The following MCCC1 variants were observed in gnomAD, a reference collection of about 807,000 sequenced individuals.
The protein encoded by MCCC1 is methylcrotonyl-CoA carboxylase subunit 1.
MCCC1 carries 64 observed loss-of-function variants against 83.8 expected under a neutral mutation model. That is an observed-to-expected ratio of 0.76 (90% CI 0.62 to 0.94). The LOEUF (loss-of-function observed/expected upper bound fraction) is 0.94, where lower values mean the gene tolerates loss of function less well. MCCC1 is among the 40% of genes least tolerant of loss of function. The pLI, the probability that MCCC1 is intolerant of heterozygous loss-of-function variation, is 0.00. For missense variants in MCCC1, 807 were observed against 904.7 expected (o/e 0.89, Z 1.39); for synonymous variants, 322 against 315.4 (o/e 1.02, Z -0.22).
At position 183,073,561 on chromosome 3, in the gene MCCC1, C is replaced by A. The variant is rs548077515; in HGVS notation, c.370-1074G>T. ...AACTGGACTGATACCAATTTGACCA[C>A]GCTTCTGTTCATGTCTTCCAATCAC... On this transcript the variant is annotated intron_variant, in intron 4 of 18. Transcript: ENST00000265594. Among the ~76,000 whole-genome samples the A allele has an allele frequency of 7.2e-5, 11 of 152,360 alleles. No homozygotes were observed. The East Asian group carries it at 2.1e-3, about 29-fold the overall frequency.
intron 1 of MCCC1, 186 bp downstream of exon 1, chr3:183,099,166 G>A (rs1466614442): frequency 1.5e-5 from 10 of 647,550 alleles, no homozygotes; most frequent in African/African-American, 3.6e-5. Context: ...AGAAAGGGAA[G>A]GGCTGGTGGG....
intron 9 of MCCC1, among the ~76,000 whole-genome samples, chr3:183,048,441 C>T (rs1469676150): frequency 2.6e-5 from 4 of 152,112 alleles, no homozygotes; most frequent in Non-Finnish European, 5.9e-5. Context: ...AAAGAATATG[C>T]TAACACCAAA....
chr3:183,033,841 C>A, intron 14 of MCCC1, 150 bp downstream of exon 14: 1 of 628,178 alleles, frequency 1.6e-6, no homozygotes, highest in African/African-American at 1.8e-5. Flanking sequence ...CCAATCAATT[C>A]TATTATATTG....
intron 9 of MCCC1, 73 bp from the exon 10 acceptor site, chr3:183,045,613 T>A: frequency 6.6e-7 from 1 of 1,516,184 alleles, no homozygotes; most frequent in Non-Finnish European, 9.1e-7. Flanking sequence ...CCATGATGCA[T>A]CACATCAAGT....
upstream of MCCC1, among the ~76,000 whole-genome samples, chr3:183,103,291 G>T (rs1194119219): frequency 6.6e-6 from 1 of 152,072 alleles, no homozygotes. Flanking sequence ...GACCCGAGCG[G>T]GTTGGCACTA....
Position 183,025,864 on chromosome 3 carries a change from C to T in MCCC1, c.1682-60G>A, listed in dbSNP as rs887344181. On this transcript the variant is annotated intron_variant, in intron 14 of 18. Transcript: ENST00000265594. ...AGAAGACATTCATTTATTTAATAAC[C>T]GAGATATAAAGAATCTCACTCTCAA... 159 of 1,442,270 alleles carry T rather than the reference C, an allele frequency of 1.1e-4. 1 individual carries two copies. The highest frequency in any genetic ancestry group is 2.6e-4 in the South Asian group (23 of 86,874). The allele number at this position is 1,442,270 out of a possible 1,614,324, so 89.3% of individuals were successfully genotyped here. A position where few individuals can be genotyped will look rare whatever the true frequency, so the allele number is the denominator to read the frequency against.
chr3:183,100,375 T>C (rs1484076936), upstream of MCCC1, among the ~76,000 whole-genome samples: 1 of 151,930 alleles, frequency 6.6e-6, no homozygotes, highest in Admixed American at 6.6e-5. Context: ...ACAGAAAAAA[T>C]AGAGAAGTTT....
At chr3:183,063,792 G>T (rs1224284769) in intron 7 of MCCC1, among the ~76,000 whole-genome samples, 1 of 152,112 alleles carries the variant, frequency 6.6e-6, no homozygotes, top group East Asian at 1.9e-4. Context: ...GTGGGGTCTG[G>T]TAACGTCTTT....
chr3:183,034,515 T>C, intron 13 of MCCC1, among the ~76,000 whole-genome samples: 1 of 152,004 alleles, frequency 6.6e-6, no homozygotes. Context: ...GTGCTTTTTT[T>C]GTTCTTCTTG....
At chr3:183,094,341 G>A (rs922289910) in intron 2 of MCCC1, among the ~76,000 whole-genome samples, 3 of 152,018 alleles carry the variant, frequency 2.0e-5, no homozygotes, top group Admixed American at 2.0e-4. Flanking sequence ...GAGCCACTGC[G>A]CCCGGCTGCC....
At chr3:183,099,748 G>T (rs1418370970), upstream of MCCC1, among the ~76,000 whole-genome samples, 1 of 152,172 alleles carries the variant, frequency 6.6e-6, no homozygotes, top group Non-Finnish European at 1.5e-5. Context: ...CCCCCTCTTG[G>T]TTGCCTGTCA....
chr3:183,032,508 A>C (rs1713163843), intron 14 of MCCC1, among the ~76,000 whole-genome samples: 1 of 152,224 alleles, frequency 6.6e-6, no homozygotes, highest in Non-Finnish European at 1.5e-5. Flanking sequence ...CAATGCACTT[A>C]AGATAATGAC....
intron 18 of MCCC1, 147 bp downstream of exon 18, chr3:183,017,119 G>A (rs1711703034): frequency 1.4e-6 from 1 of 735,860 alleles, no homozygotes; most frequent in African/African-American, 1.7e-5. Flanking sequence ...AAGAAGGATA[G>A]TTTGGTTTTG....
At position 183,019,563 on chromosome 3, in the gene MCCC1, T is replaced by A. The variant is rs189787265; in HGVS notation, c.1977+567A>T. Among the ~76,000 whole-genome samples, 214 of 152,334 alleles carry A rather than the reference T, an allele frequency of 1.4e-3. 1 individual carries two copies. The highest frequency in any genetic ancestry group is 4.8e-3 in the African/African-American group (200 of 41,580). Reference sequence around the variant, plus strand: ...CTTAATCTGCTGGTGATTTGATGGATTTCCCAGCCTCTAGAATCGTGAGAA... The same window carrying A: ...CTTAATCTGCTGGTGATTTGATGGAATTCCCAGCCTCTAGAATCGTGAGAA... On this transcript the variant is annotated intron_variant, in intron 17 of 18. Transcript: ENST00000265594.
At chr3:183,089,530 C>T (rs1200567499) in intron 3 of MCCC1, among the ~76,000 whole-genome samples, 1 of 152,098 alleles carries the variant, frequency 6.6e-6, no homozygotes, top group African/African-American at 2.4e-5. Flanking sequence ...AGGAGGATTG[C>T]TTGAGCCTGG....
chr3:183,102,167 C>A (rs142179670), upstream of MCCC1, among the ~76,000 whole-genome samples: 39 of 152,172 alleles, frequency 2.6e-4, no homozygotes, highest in East Asian at 5.4e-3. Context: ...AGTTTGAGAC[C>A]AGCCTGGGCA....
chr3:183,099,423 C>A lies in MCCC1; in HGVS notation c.18G>T (p.Ala6=). 1 of 1,606,146 alleles carries A rather than the reference C, an allele frequency of 6.2e-7. No individual in the cohort carries two copies. Among genetic ancestry groups the A allele is most frequent in the Non-Finnish European group, 8.5e-7 (1 of 1,177,490 alleles). MAAAS[A]VSVLLVAAER... ...CCGCCGCCACCAGCAGCACCGACAC[C>A]GCAGAGGCCGCCGCCATGTCCCTGG... Residue 6 remains alanine, a synonymous_variant, in exon 1 of 19, where the codon GCG becomes GCT. Coordinates refer to ENST00000265594, the MANE Select transcript of MCCC1 (RefSeq NM_020166.5).
chr3:183,053,194 G>A (rs562370418), intron 8 of MCCC1, among the ~76,000 whole-genome samples: 31 of 152,266 alleles, frequency 2.0e-4, no homozygotes, highest in Admixed American at 4.6e-4. Flanking sequence ...AAACAGGCCG[G>A]GTGTGGTGGC....
intron 16 of MCCC1, among the ~76,000 whole-genome samples, chr3:183,020,987 G>A (rs978616914): frequency 1.3e-5 from 2 of 152,138 alleles, no homozygotes; most frequent in East Asian, 1.9e-4. Flanking sequence ...GTGAACCCGG[G>A]AGGCAGAGCT....
Sources: allele counts gnomAD v4.1 joint callset (sites outside exome capture counted in the v4.1 genomes callset), GRCh38; gene constraint gnomAD v4.1.1; transcripts MANE v1.5; gene names NCBI Gene and HGNC (gene_info 2026-07-23, HGNC 2026-07-21).